The following MTUS2 variants were observed in gnomAD, a reference collection of about 807,000 sequenced individuals.
MTUS2 encodes microtubule associated scaffold protein 2.
In MTUS2, 40 loss-of-function variants were observed where a neutral mutation model predicts 114.1. The ratio of observed to expected loss-of-function variants is 0.35; its 90% confidence interval spans 0.27 to 0.46. The LOEUF (loss-of-function observed/expected upper bound fraction) is 0.46, where lower values mean the gene tolerates loss of function less well. Among genes scored for constraint, MTUS2 ranks in the 20% least tolerant of loss-of-function variants. The probability of loss-of-function intolerance (pLI) is 1.00; values close to 1 mark genes in which losing one functional copy is unlikely to be tolerated. For synonymous variants in MTUS2, 688 were observed against 672.0 expected (o/e 1.02, Z -0.37); for missense variants, 1,679 against 1,705.4 (o/e 0.98, Z 0.27).
intron 5 of MTUS2, among the ~76,000 whole-genome samples, chr13:29,196,567 C>G (rs1894712102): frequency 6.6e-6 from 1 of 152,120 alleles, no homozygotes; most frequent in Non-Finnish European, 1.5e-5. Flanking sequence ...ATCTCCAGAA[C>G]TATTTTCATC....
intron 2 of MTUS2, among the ~76,000 whole-genome samples, chr13:28,875,261 T>A (rs1308387342): frequency 6.6e-6 from 1 of 152,174 alleles, no homozygotes; most frequent in Non-Finnish European, 1.5e-5. Context: ...GTAGATACTG[T>A]TGGTTCTTGA....
intron 2 of MTUS2, among the ~76,000 whole-genome samples, chr13:29,012,573 T>G (rs915365860): frequency 2.0e-5 from 3 of 152,112 alleles, no homozygotes; most frequent in Non-Finnish European, 4.4e-5. Flanking sequence ...GAAAGAGATA[T>G]GCTAAAAGAG....
At chr13:28,971,965 T>C (rs1883876909) in intron 2 of MTUS2, among the ~76,000 whole-genome samples, 1 of 152,242 alleles carries the variant, frequency 6.6e-6, no homozygotes, top group African/African-American at 2.4e-5. Context: ...ATGGTAACAC[T>C]GATTTAAAGT....
intron 4 of MTUS2, among the ~76,000 whole-genome samples, chr13:29,083,053 A>C (rs1218913750): frequency 6.6e-6 from 1 of 152,116 alleles, no homozygotes; most frequent in African/African-American, 2.4e-5. Flanking sequence ...TCCTGAACCC[A>C]AAAAAGCCTA....
intron 2 of MTUS2, among the ~76,000 whole-genome samples, chr13:28,878,072 T>C (rs998591717): frequency 1.3e-5 from 2 of 152,154 alleles, no homozygotes; most frequent in African/African-American, 4.8e-5. Context: ...TTAGGGTGCA[T>C]GCTTTGTAAT....
intron 2 of MTUS2, among the ~76,000 whole-genome samples, chr13:28,922,116 T>G (rs954024615): frequency 3.3e-5 from 5 of 152,162 alleles, no homozygotes; most frequent in Admixed American, 6.5e-5. Context: ...GAGATCTGGT[T>G]GTTTAAAAGT....
chr13:29,366,148 A>G (rs1371339271), intron 8 of MTUS2, among the ~76,000 whole-genome samples: 1 of 152,210 alleles, frequency 6.6e-6, no homozygotes, highest in African/African-American at 2.4e-5. Flanking sequence ...GCTGACAAAG[A>G]CATACTTGAG....
At chr13:29,244,370 G>C (rs1039786815) in intron 5 of MTUS2, among the ~76,000 whole-genome samples, 12 of 152,122 alleles carry the variant, frequency 7.9e-5, no homozygotes, top group African/African-American at 2.9e-4. Context: ...AGGACAGGGT[G>C]GTAGATTCTG....
At chr13:29,339,748 A>G (rs930237192) in intron 7 of MTUS2, 21 of 169,094 alleles carry the variant, frequency 1.2e-4, no homozygotes, top group South Asian at 1.3e-4. Flanking sequence ...AGTTGGGAGG[A>G]GCGGTGAGGA....
chr13:29,231,815 C>T (rs1484060333), intron 5 of MTUS2, among the ~76,000 whole-genome samples: 1 of 152,102 alleles, frequency 6.6e-6, no homozygotes. Flanking sequence ...AAAATGTCAT[C>T]GTATGCTGTA....
rs574431625 is a variant in MTUS2, at chr13:29,505,162, A to C, written c.*1956A>C. 3.4e-5 allele frequency: 8 copies of C among 232,144 alleles called. No individual in the cohort carries two copies. The highest frequency in any genetic ancestry group is 1.5e-4 in the African/African-American group (7 of 45,394). The allele number at this position is 232,144 out of a possible 1,614,324, so 14.4% of individuals were successfully genotyped here. A position where few individuals can be genotyped will look rare whatever the true frequency, so the allele number is the denominator to read the frequency against. Reference sequence around the variant, plus strand: ...AGATCTTGCCACATTGACTAAATACACAAGTATTTATTCTAGTAGCAGGCA... The same window carrying C: ...AGATCTTGCCACATTGACTAAATACCCAAGTATTTATTCTAGTAGCAGGCA... On this transcript the variant is annotated 3_prime_UTR_variant, in exon 16 of 16. Transcript: ENST00000612955.
At chr13:29,171,182 A>G (rs1372244825) in intron 5 of MTUS2, among the ~76,000 whole-genome samples, 2 of 151,818 alleles carry the variant, frequency 1.3e-5, no homozygotes, top group Non-Finnish European at 2.9e-5. Context: ...TGGGTGGGTA[A>G]TTGTAGCGAA....
At chr13:28,916,913 C>G (rs1238391260) in intron 2 of MTUS2, among the ~76,000 whole-genome samples, 2 of 151,690 alleles carry the variant, frequency 1.3e-5, no homozygotes, top group East Asian at 3.9e-4. Flanking sequence ...GTATGACATA[C>G]AGCCTTTATT....
chr13:29,331,121 G>A (rs1160622415), intron 7 of MTUS2, among the ~76,000 whole-genome samples: 1 of 152,116 alleles, frequency 6.6e-6, no homozygotes, highest in Non-Finnish European at 1.5e-5. Context: ...TTGGGCAGTG[G>A]TTTGTAGTTC....
chr13:29,366,480 A>G (rs181180716), intron 8 of MTUS2, among the ~76,000 whole-genome samples: 28 of 152,240 alleles, frequency 1.8e-4, no homozygotes, highest in South Asian at 1.0e-3. Context: ...AAGCGTTATC[A>G]TTTAAATACC....
intron 8 of MTUS2, among the ~76,000 whole-genome samples, chr13:29,382,278 G>A (rs1872270458): frequency 6.6e-6 from 1 of 152,224 alleles, no homozygotes; most frequent in Non-Finnish European, 1.5e-5. Context: ...GATCCTCTGA[G>A]TGGAGGGTGA....
intron 5 of MTUS2, among the ~76,000 whole-genome samples, chr13:29,123,852 C>T (rs982250305): frequency 3.9e-5 from 6 of 152,176 alleles, no homozygotes; most frequent in Non-Finnish European, 5.9e-5. Context: ...GTAGTGTCCC[C>T]GGGCCTCCCG....
chr13:29,401,390 G>A (rs866822290), intron 8 of MTUS2, among the ~76,000 whole-genome samples: 16 of 152,288 alleles, frequency 1.1e-4, no homozygotes, highest in Admixed American at 3.3e-4. Context: ...TGAAATCTAT[G>A]ACTGTTCCCT....
chr13:29,500,672 C>G (rs1160077965), intron 14 of MTUS2, among the ~76,000 whole-genome samples: 1 of 151,958 alleles, frequency 6.6e-6, no homozygotes, highest in African/African-American at 2.4e-5. Context: ...TGTGGTTGAC[C>G]CTTTGGGAAG....
Sources: gnomAD v4.1 joint callset for allele counts (sites outside exome capture counted in the v4.1 genomes callset) on GRCh38, gnomAD v4.1.1 for gene constraint, MANE v1.5 for transcripts, NCBI Gene and HGNC (gene_info 2026-07-23, HGNC 2026-07-21) for gene names.